Variants in ITPR1 observed in about 807,000 individuals in gnomAD.
ITPR1 encodes inositol 1,4,5-trisphosphate-gated calcium channel ITPR1.
In ITPR1, 96 loss-of-function variants were observed where a neutral mutation model predicts 318.4. The ratio of observed to expected loss-of-function variants is 0.30; its 90% confidence interval spans 0.26 to 0.36. The LOEUF is 0.36. ITPR1 is among the 10% of genes least tolerant of loss of function. The pLI is 1.00. For missense variants in ITPR1, 2,440 were observed against 3,460.2 expected, an observed-to-expected ratio of 0.71 and a Z score of 7.40; for synonymous variants, 1,312 against 1,289.9, an observed-to-expected ratio of 1.02 and a Z score of -0.37.
chr3:4,507,321 C>A (rs752697157), intron 2 of ITPR1, among the ~76,000 whole-genome samples: 88 of 152,242 alleles, frequency 5.8e-4, no homozygotes, highest in Non-Finnish European at 9.6e-4. Context: ...TTCCCTGACC[C>A]TTGGGCCACC....
intron 60 of ITPR1, among the ~76,000 whole-genome samples, chr3:4,820,015 G>T (rs1471789476): frequency 6.6e-6 from 1 of 152,184 alleles, no homozygotes; most frequent in Non-Finnish European, 1.5e-5. Context: ...TAGGAAACCG[G>T]GAGGGTGCTG....
chr3:4,735,657 G>T, intron 44 of ITPR1: 1 of 333,242 alleles, frequency 3.0e-6, no homozygotes, highest in Admixed American at 4.4e-5. Context: ...TGTTGAATAA[G>T]TAAATGATTG....
chr3:4,624,172 T>C (rs949791317), intron 4 of ITPR1, among the ~76,000 whole-genome samples: 5 of 152,220 alleles, frequency 3.3e-5, no homozygotes, highest in African/African-American at 4.8e-5. Flanking sequence ...AGTGTCATCA[T>C]ATGAAGCATG....
rs759955800 is a variant in ITPR1 at position 4,813,184 on chromosome 3, T to G, written c.7511T>G (p.Val2504Gly). Residue 2504 changes from valine to glycine, a missense_variant, in exon 57 of 62, where the codon GTG becomes GGG. Transcript: ENST00000649015. ...GCAAGCGAGTTCCTGTTCTCCGATGTGTGTAGGGTGGAGAGTGGGGAGAAC... is the reference window on the plus strand; with the variant it reads ...GCAAGCGAGTTCCTGTTCTCCGATGGGTGTAGGGTGGAGAGTGGGGAGAAC... ...SLASEFLFSD[V>G]CRVESGENCS... is the part of the protein sequence containing the mutation. 2 of 1,613,954 alleles carry G rather than the reference T, an allele frequency of 1.2e-6. No individual in the cohort carries two copies. The highest frequency in any genetic ancestry group is 8.5e-7 in the Non-Finnish European group (1 of 1,179,856).
At chr3:4,679,050 A>G (rs1355155921) in intron 24 of ITPR1, among the ~76,000 whole-genome samples, 1 of 152,072 alleles carries the variant, frequency 6.6e-6, no homozygotes, top group Non-Finnish European at 1.5e-5. Flanking sequence ...CAGGCAGGAG[A>G]TAATGAGGCC....
At chr3:4,610,755 T>C (rs774087994) in intron 4 of ITPR1, among the ~76,000 whole-genome samples, 30 of 152,248 alleles carry the variant, frequency 2.0e-4, no homozygotes, top group Non-Finnish European at 1.5e-4. Flanking sequence ...GCACCACTTA[T>C]TCCACAGGTC....
At chr3:4,676,105 G>A (rs2094179515) in intron 23 of ITPR1, among the ~76,000 whole-genome samples, 1 of 151,844 alleles carries the variant, frequency 6.6e-6, no homozygotes, top group Admixed American at 6.6e-5. Context: ...ATTTTGGGAG[G>A]CTGTAGCAGG....
intron 4 of ITPR1, among the ~76,000 whole-genome samples, chr3:4,610,015 T>C (rs903946033): frequency 2.0e-4 from 30 of 152,018 alleles, no homozygotes; most frequent in Non-Finnish European, 7.4e-5. Context: ...ATGTTTCCAT[T>C]CTACATGGTG....
At chr3:4,609,089 T>TATATATACAC (rs1171860541) in intron 4 of ITPR1, among the ~76,000 whole-genome samples, 5 of 91,936 alleles carry the variant, frequency 5.4e-5, no homozygotes, top group Non-Finnish European at 9.2e-5. Context: ...TATATATATA[T>TATATATACAC]ACACACACAC....
chr3:4,786,064 C>T lies in ITPR1; in HGVS notation c.6616-1883C>T, dbSNP rs115533694. Among the ~76,000 whole-genome samples the T allele has an allele frequency of 6.8e-3, 1,043 of 152,320 alleles. 4 individuals are homozygous for T. The highest frequency in any genetic ancestry group is 0.012 in the Non-Finnish European group (843 of 68,022). On this transcript the variant is annotated intron_variant, in intron 51 of 61. Coordinates refer to ENST00000649015, the MANE Select transcript of ITPR1 (RefSeq NM_001378452.1). Reference sequence around the variant, plus strand: ...CCTGGAGTCTAGAACTCAGTTCTTGCCAGGAGGCCTCCTTGTCTACTCCTC... The same window carrying T: ...CCTGGAGTCTAGAACTCAGTTCTTGTCAGGAGGCCTCCTTGTCTACTCCTC...
intron 4 of ITPR1, among the ~76,000 whole-genome samples, chr3:4,591,345 C>T (rs2090382349): frequency 6.6e-6 from 1 of 152,236 alleles, no homozygotes; most frequent in African/African-American, 2.4e-5. Context: ...CTCCCACCAA[C>T]AGTGTGTAAG....
At chr3:4,774,422 C>G (rs1432428415) in intron 46 of ITPR1, among the ~76,000 whole-genome samples, 2 of 152,174 alleles carry the variant, frequency 1.3e-5, no homozygotes, top group Non-Finnish European at 2.9e-5. Context: ...TAATCTTTTC[C>G]TATTGCCCAT....
chr3:4,670,962 C>A (rs750885709), intron 20 of ITPR1, 36 bp downstream of exon 20: 1 of 1,423,698 alleles, frequency 7.0e-7, no homozygotes. Context: ...GATTGGGGTG[C>A]CCCAAAACAG....
chr3:4,753,064 G>T (rs2044667140), intron 44 of ITPR1, among the ~76,000 whole-genome samples: 1 of 152,222 alleles, frequency 6.6e-6, no homozygotes, highest in Non-Finnish European at 1.5e-5. Flanking sequence ...CCCAACAGAT[G>T]CGAAGAGAAG....
chr3:4,681,433 A>G lies in ITPR1; in HGVS notation c.3161+15A>G, dbSNP rs1319372202. On this transcript the variant is annotated intron_variant, in intron 26 of 61. Coordinates refer to ENST00000649015, the MANE Select transcript of ITPR1 (RefSeq NM_001378452.1). ...TTTGGAGGAAGGAAAGTATATTTTC[A>G]GTTACTGTTTTGTAGGGAAGGCTGC... 2.8e-5 allele frequency: 45 copies of G among 1,591,694 alleles called. No homozygotes were observed. Among genetic ancestry groups the G allele is most frequent in the Non-Finnish European group, 3.8e-5 (44 of 1,159,932 alleles).
chr3:4,778,361 T>G (rs2046612014), intron 48 of ITPR1, among the ~76,000 whole-genome samples: 1 of 152,240 alleles, frequency 6.6e-6, no homozygotes, highest in African/African-American at 2.4e-5. Context: ...CAGCGAGCAC[T>G]TCATCATTAT....
chr3:4,661,108 G>C (rs1447060590), intron 14 of ITPR1, 21 bp downstream of exon 14: 1 of 1,398,256 alleles, frequency 7.2e-7, no homozygotes, highest in Admixed American at 1.7e-5. Flanking sequence ...GGACTTGCCT[G>C]TCTCCTTTTG....
At chr3:4,680,412 T>A (rs1384076048) in intron 24 of ITPR1, 141 bp from the exon 25 acceptor site, 3 of 706,112 alleles carry the variant, frequency 4.2e-6, no homozygotes, top group African/African-American at 1.8e-5. Flanking sequence ...TGTTGAAATC[T>A]AAGCCAAATA....
intron 60 of ITPR1, among the ~76,000 whole-genome samples, chr3:4,829,252 A>G (rs1359967890): frequency 6.6e-6 from 1 of 152,194 alleles, no homozygotes; most frequent in Non-Finnish European, 1.5e-5. Flanking sequence ...AACTCTTCTT[A>G]TTACAGGCCA....
Sources: allele counts gnomAD v4.1 joint callset (sites outside exome capture counted in the v4.1 genomes callset), GRCh38; gene constraint gnomAD v4.1.1; transcripts MANE v1.5; gene names NCBI Gene and HGNC (gene_info 2026-07-23, HGNC 2026-07-21).